The following PAK3 variants were observed in gnomAD, a reference collection of about 807,000 sequenced individuals.
The protein encoded by PAK3 is p21 (RAC1) activated kinase 3.
Under a neutral mutation model 41.0 loss-of-function variants are expected in PAK3, and 4 were observed. The ratio of observed to expected loss-of-function variants is 0.10; its 90% CI spans 0.05 to 0.22. The LOEUF (loss-of-function observed/expected upper bound fraction) is 0.22. Among genes scored for constraint, PAK3 ranks in the 10% least tolerant of loss-of-function variants. PAK3 has a pLI of 1.00. For missense variants in PAK3, 205 were observed against 409.9 expected, an observed-to-expected ratio of 0.50 and a Z score of 4.32; for synonymous variants, 146 against 139.6, an observed-to-expected ratio of 1.05 and a Z score of -0.32.
chrX:111,185,506 T>C (rs2094501069), intron 11 of PAK3, among the ~76,000 whole-genome samples: 1 of 111,875 alleles, frequency 8.9e-6, no homozygotes, highest in Admixed American at 9.5e-5. Context: ...CTAGGTTTTC[T>C]TCTAGGGTTT....
rs774804653 is a variant in PAK3, at chrX:111,145,583, G to A, written c.277-2154G>A. On this transcript the variant is annotated intron_variant, in intron 6 of 17. Transcript: ENST00000372007. ...ACTGGGATCATGCATGGGCTCCTGA[G>A]TTCAAATTTTTGGCTTAAGGCTTTA... Among the ~76,000 whole-genome samples the A allele has an allele frequency of 7.2e-5, 8 of 111,714 alleles. No individual in the cohort carries two copies. The East Asian group carries it at 2.3e-3, about 32-fold the overall frequency.
chrX:111,196,170 C>A (rs1373087198), intron 15 of PAK3, among the ~76,000 whole-genome samples: 3 of 111,699 alleles, frequency 2.7e-5, no homozygotes, highest in Admixed American at 9.5e-5. Flanking sequence ...ATGACAAATA[C>A]CTAATTAGGA....
intron 1 of PAK3, among the ~76,000 whole-genome samples, chrX:111,039,406 T>C (rs943175371): frequency 8.9e-6 from 1 of 111,988 alleles, no homozygotes; most frequent in South Asian, 3.7e-4. Flanking sequence ...AAGAATGCCA[T>C]CAGCTAGTCA....
chrX:110,994,080 C>A (rs1271007200), intron 1 of PAK3, among the ~76,000 whole-genome samples: 1 of 112,109 alleles, frequency 8.9e-6, no homozygotes, highest in African/African-American at 3.2e-5. Flanking sequence ...TTTATCTCAT[C>A]AATCTCATAT....
At chrX:111,154,182 T>C (rs759243679) in intron 8 of PAK3, among the ~76,000 whole-genome samples, 1 of 111,434 alleles carries the variant, frequency 9.0e-6, no homozygotes, top group East Asian at 2.8e-4. Context: ...AGAGTTTCAG[T>C]TTTACAAGAT....
chrX:110,958,330 A>G (rs959049362), intron 1 of PAK3, among the ~76,000 whole-genome samples: 2 of 111,593 alleles, frequency 1.8e-5, no homozygotes, highest in African/African-American at 6.5e-5. Context: ...GGGTAGAATC[A>G]GGGTAATGTA....
chrX:111,044,867 C>G (rs2092482685), intron 1 of PAK3, among the ~76,000 whole-genome samples: 1 of 112,327 alleles, frequency 8.9e-6, no homozygotes, highest in African/African-American at 3.2e-5. Context: ...AATTGCCCAT[C>G]TAAGCTGGAT....
At position 111,225,537 on chromosome X, in the gene PAK3, T is replaced by A. The variant is rs1005433414; in HGVS notation, c.*5090T>A. 2.7e-5 allele frequency: 3 copies of A among 111,916 alleles called. No individual in the cohort carries two copies. Among genetic ancestry groups the A allele is most frequent in the Non-Finnish European group, 5.6e-5 (3 of 53,236 alleles). 9.2% of individuals were successfully genotyped at this position (111,916 alleles called of 1,213,427 possible). On this transcript the variant is annotated 3_prime_UTR_variant, in exon 18 of 18. Transcript: ENST00000372007. ...AGCCTGGCAACATGTTCAACAGATTTAGTACCCAAGAGGAAATCAACAGCG... is the reference window on the plus strand; with the variant it reads ...AGCCTGGCAACATGTTCAACAGATTAAGTACCCAAGAGGAAATCAACAGCG...
intron 1 of PAK3, among the ~76,000 whole-genome samples, chrX:111,060,098 C>A (rs1445428444): frequency 1.8e-5 from 2 of 111,669 alleles, no homozygotes; most frequent in Non-Finnish European, 3.8e-5. Context: ...GATTGAGGAA[C>A]TTTCCTTCCC....
intron 1 of PAK3, among the ~76,000 whole-genome samples, chrX:110,999,515 C>A (rs1047251193): frequency 1.8e-5 from 2 of 110,657 alleles, no homozygotes; most frequent in Non-Finnish European, 3.8e-5. Flanking sequence ...ATGCTTCTTT[C>A]GCTTTGCGGA....
chrX:110,988,741 T>G (rs991265065), intron 1 of PAK3, among the ~76,000 whole-genome samples: 2 of 112,137 alleles, frequency 1.8e-5, no homozygotes, highest in African/African-American at 6.5e-5. Context: ...GGTGGTTCTC[T>G]AATTAGAATC....
intron 1 of PAK3, among the ~76,000 whole-genome samples, chrX:110,988,154 C>T (rs925771989): frequency 8.9e-6 from 1 of 112,292 alleles, no homozygotes; most frequent in African/African-American, 3.2e-5. Context: ...TGGGCCTTGC[C>T]CTAAAGAAAT....
chrX:111,216,696 A>C, intron 17 of PAK3, 138 bp downstream of exon 17: 1 of 554,787 alleles, frequency 1.8e-6, no homozygotes, highest in Non-Finnish European at 3.0e-6. Context: ...GCACATAACT[A>C]TAGGCACGCA....
At chrX:111,169,743 G>A (rs2094311615) in intron 10 of PAK3, among the ~76,000 whole-genome samples, 1 of 111,658 alleles carries the variant, frequency 9.0e-6, no homozygotes, top group African/African-American at 3.3e-5. Flanking sequence ...AAGAATTGGT[G>A]GTATATGGTG....
rs372636434 is a variant in PAK3 at position 111,118,461 on chromosome X, T to C, written c.-27-4616T>C. On this transcript the variant is annotated intron_variant, in intron 4 of 17. Transcript: ENST00000372007. ...ACCAAAAGTACAATTCAGATATATA[T>C]ATATATGTATATATATCTCAGATTA... Among the ~76,000 whole-genome samples, 14 of 110,785 alleles carry C rather than the reference T, an allele frequency of 1.3e-4. No individual in the cohort carries two copies. In the East Asian group the frequency reaches 2.5e-3, roughly 20 times the overall value.
intron 6 of PAK3, among the ~76,000 whole-genome samples, chrX:111,143,211 T>C (rs1266473745): frequency 5.4e-5 from 6 of 111,331 alleles, no homozygotes; most frequent in Admixed American, 9.6e-5. Context: ...TATTAAGTAG[T>C]TGAGTTTTTT....
intron 1 of PAK3, among the ~76,000 whole-genome samples, chrX:111,011,245 C>T (rs987171289): frequency 9.0e-6 from 1 of 111,164 alleles, no homozygotes; most frequent in Non-Finnish European, 1.9e-5. Flanking sequence ...CCTGATTCCT[C>T]GAAATGAAGG....
chrX:111,092,818 A>G (rs963697608), upstream of PAK3, among the ~76,000 whole-genome samples: 5 of 112,058 alleles, frequency 4.5e-5, no homozygotes, highest in African/African-American at 1.6e-4. Context: ...TCAGCATAAC[A>G]TATTTCAACA....
intron 11 of PAK3, among the ~76,000 whole-genome samples, chrX:111,187,690 G>T (rs1053054248): frequency 9.0e-6 from 1 of 111,302 alleles, no homozygotes; most frequent in African/African-American, 3.3e-5. Context: ...CAGAACTGGG[G>T]TGCAGAAATA....
Sources: allele counts gnomAD v4.1 joint callset (sites outside exome capture counted in the v4.1 genomes callset), GRCh38; gene constraint gnomAD v4.1.1; transcripts MANE v1.5; gene names NCBI Gene and HGNC (gene_info 2026-07-23, HGNC 2026-07-21).